The following AGER variants were observed in gnomAD, a reference collection of about 807,000 sequenced individuals.
AGER encodes the protein advanced glycation end product-specific receptor.
In AGER, 46 loss-of-function variants were observed where a neutral mutation model predicts 48.8. The ratio of observed to expected loss-of-function variants is 0.94; its 90% CI spans 0.74 to 1.20. AGER has a LOEUF of 1.20. Ranked by LOEUF, AGER falls within the 50% of genes most tolerant of loss-of-function variation. The pLI, the probability that AGER is intolerant of heterozygous loss-of-function variation, is 0.00. For missense variants in AGER, 489 were observed against 515.0 expected (o/e 0.95, Z 0.49); for synonymous variants, 170 against 199.9 (o/e 0.85, Z 1.26).
At position 32,183,130 on chromosome 6, in the gene AGER, C is replaced by T; in HGVS notation, c.492G>A (p.Leu164=). The part of the protein sequence containing the change: ...TLSWHLDGKP[L]VPNEKGVSVK... ...AGGACTCACCCTTCTCATTAGGCACCAGGGGCTTCCCATCCAAGTGCCAGC... is the reference window on the plus strand; with the variant it reads ...AGGACTCACCCTTCTCATTAGGCACTAGGGGCTTCCCATCCAAGTGCCAGC... Residue 164 remains leucine (L), a synonymous_variant, in exon 5 of 11, where the codon CTG becomes CTA. Transcript: ENST00000375076. 1 of 1,613,076 alleles carries T rather than the reference C, an allele frequency of 6.2e-7. No individual in the cohort carries two copies. The highest frequency in any genetic ancestry group is 8.5e-7 in the Non-Finnish European group (1 of 1,180,020).
chr6:32,183,770 G>T lies in AGER; in HGVS notation c.160-20C>A. 5.0e-6 allele frequency: 8 copies of T among 1,612,412 alleles called. No homozygotes were observed. Among genetic ancestry groups the T allele is most frequent in the Non-Finnish European group, 6.8e-6 (8 of 1,179,584 alleles). On this transcript the variant is annotated intron_variant, in intron 2 of 10. Coordinates refer to ENST00000375076, the MANE Select transcript of AGER (RefSeq NM_001136.5). ...TGTGTTCTAGAAGCAGAGAAGCAGG[G>T]CCTAAACAGTGCAAGGCCTTTGGGA...
rs751726848 is a variant in AGER, at chr6:32,182,387, C to T, written c.824G>A (p.Gly275Asp). ...PSPQIHWMKD[G>D]VPLPLPPSPV... ...GCTGGGGGGAAGGGGCAAGGGCACA[C>T]CCTGGTGGGGGAAGGGGAGAGGAGA... The change falls in exon 8 of 11, where the codon GGT becomes GAT. Residue 275 changes from glycine (G) to aspartate (D), a missense_variant and splice_region_variant. Physicochemically the swap from Gly to Asp is moderately conservative, Grantham distance 94 (BLOSUM62 -1). Transcript: ENST00000375076. The surrounding 1 kb of genome is among the most constrained non-coding windows in gnomAD (Gnocchi z 5.1). 1.9e-6 allele frequency: 3 copies of T among 1,610,102 alleles called. No homozygotes were observed. Among genetic ancestry groups the T allele is most frequent in the Non-Finnish European group, 2.5e-6 (3 of 1,178,396 alleles).
Position 32,182,141 on chromosome 6 carries a change from G to C in AGER, c.964+106C>G, listed in dbSNP as rs747323488. The C allele has an allele frequency of 1.3e-5, 19 of 1,505,330 alleles. No individual in the cohort carries two copies. The highest frequency in any genetic ancestry group is 1.7e-5 in the Admixed American group (1 of 59,444). The allele number at this position is 1,505,330 out of a possible 1,614,324, so 93.2% of individuals were successfully genotyped here. A position where few individuals can be genotyped will look rare whatever the true frequency, so the allele number is the denominator to read the frequency against. Reference sequence around the variant, plus strand: ...TTGGGTGTGGGTGCATGGAGGGAGAGGTGGGGTGGCTGTTAGGGATAAGGC... The same window carrying C: ...TTGGGTGTGGGTGCATGGAGGGAGACGTGGGGTGGCTGTTAGGGATAAGGC... On this transcript the variant is annotated intron_variant, in intron 8 of 10. Transcript: ENST00000375076. This position sits in a 1 kb window ranked among gnomAD's most constrained non-coding sequence, Gnocchi z 5.1.
rs377136593 is a variant in AGER at position 32,182,234 on chromosome 6, G to A, written c.964+13C>T. On this transcript the variant is annotated intron_variant, in intron 8 of 10. Transcript: ENST00000375076. This position sits in a 1 kb window ranked among gnomAD's most constrained non-coding sequence, Gnocchi z 5.1. ...TAGTCCCAGGGTCTGTAGGGCTTGG[G>A]GAGAGGTCTCACCGATGATGCTGAT... The A allele has an allele frequency of 1.9e-6, 3 of 1,612,638 alleles. No individual in the cohort carries two copies. The highest frequency in any genetic ancestry group is 2.5e-6 in the Non-Finnish European group (3 of 1,180,020).
Position 32,183,118 on chromosome 6 carries a change from C to A in AGER, c.504G>T (p.Glu168Asp). ...GGGGGGCACCTTAGGACTCACCCTT[C>A]TCATTAGGCACCAGGGGCTTCCCAT... ...HLDGKPLVPNEKGVSVKEQTR... is the reference protein window; with the variant it reads ...HLDGKPLVPNDKGVSVKEQTR... Residue 168 changes from glutamate (E) to aspartate (D), a missense_variant, in exon 5 of 11, where the codon GAG (glutamate) becomes GAT (aspartate). By Grantham distance (45) the Glu-to-Asp change is conservative. Transcript: ENST00000375076. 1 of 1,613,092 alleles carries A rather than the reference C, an allele frequency of 6.2e-7. No individual in the cohort carries two copies. The highest frequency in any genetic ancestry group is 8.5e-7 in the Non-Finnish European group (1 of 1,180,030).
At position 32,183,657 on chromosome 6, in the gene AGER, A is replaced by AGAGGGAGCCGTTGGGAAGG; in HGVS notation, c.234_252dup (p.Phe85ProfsTer16). ...TCCTGGATCCCGACAGCCGGAAGGAAGAGGGAGCCGTTGGGAAGGACACGA... is the reference window on the plus strand; with the variant it reads ...TCCTGGATCCCGACAGCCGGAAGGAAGAGGGAGCCGTTGGGAAGGGAGGGAGCCGTTGGGAAGGACACGA... On this transcript the variant is annotated frameshift_variant, in exon 3 of 11. Transcript: ENST00000375076. LOFTEE classifies it high-confidence loss of function. 6.2e-7 allele frequency: 1 copy of AGAGGGAGCCGTTGGGAAGG among 1,613,058 alleles called. No individual in the cohort carries two copies. Among genetic ancestry groups the AGAGGGAGCCGTTGGGAAGG allele is most frequent in the Non-Finnish European group, 8.5e-7 (1 of 1,180,030 alleles).
chr6:32,183,552 T>A lies in AGER; in HGVS notation c.355+3A>T. 1 of 1,613,104 alleles carries A rather than the reference T, an allele frequency of 6.2e-7. No individual in the cohort carries two copies. ...GCCTTGGAGAAGACCCTGGAATTCT[T>A]ACGGTAGACACGGACTCGGTAGTTG... On this transcript the variant is annotated splice_donor_region_variant and intron_variant, in intron 3 of 10. Coordinates refer to ENST00000375076, the MANE Select transcript of AGER (RefSeq NM_001136.5).
Position 32,183,875 on chromosome 6 carries a change from G to A in AGER, c.159+6C>T, listed in dbSNP as rs756055235. On this transcript the variant is annotated splice_donor_region_variant and intron_variant, in intron 2 of 10. Transcript: ENST00000375076. ...GTTGGGAGGCTGCAACAGGAGCCCC[G>A]CTTACCAGTTTCCATTCCAGCCGCT... is the stretch of plus-strand genomic sequence containing the variant. 1.1e-5 allele frequency: 17 copies of A among 1,612,874 alleles called. No homozygotes were observed. The highest frequency in any genetic ancestry group is 8.8e-5 in the South Asian group (8 of 91,084).
chr6:32,181,411 GTCCCCAGGCCTCCCAGGA>G lies in AGER; in HGVS notation c.1040_1057del (p.Ile347_Gly352del). 6.2e-7 allele frequency: 1 copy of G among 1,613,544 alleles called. No homozygotes were observed. The highest frequency in any genetic ancestry group is 8.5e-7 in the Non-Finnish European group (1 of 1,179,806). The stretch of plus-strand genomic sequence containing the variant: ...GATGACCCCAATGAGCAGGGCGGCT[GTCCCCAGGCCTCCCAGGA>G]TCCCCAGGGCCAGGGCTAGAGTTCC... On this transcript the variant is annotated inframe_deletion, in exon 10 of 11. Transcript: ENST00000375076. This position sits in a 1 kb window ranked among gnomAD's most constrained non-coding sequence, Gnocchi z 4.1.
intron 4 of AGER, 52 bp from the exon 5 acceptor site, chr6:32,183,253 C>T: frequency 3.1e-6 from 5 of 1,612,136 alleles, no homozygotes; most frequent in Non-Finnish European, 4.2e-6. Context: ...AGATGCCACA[C>T]ACCCACACCC....
At position 32,181,160 on chromosome 6, in the gene AGER, T is replaced by G; in HGVS notation, c.1198A>C (p.Ser400Arg). Residue 400 changes from serine (S) to arginine (R), a missense_variant, in exon 11 of 11, where the codon AGT (serine) becomes CGT (arginine). Ser to Arg is a moderately radical substitution (Grantham distance 110). Coordinates refer to ENST00000375076, the MANE Select transcript of AGER (RefSeq NM_001136.5). This position sits in a 1 kb window ranked among gnomAD's most constrained non-coding sequence, Gnocchi z 4.1. The part of the protein sequence containing the change: ...QSEEPEAGES[S>R]TGGP ...TGGGCCCCTCAAGGCCCTCCAGTACTACTCTCGCCTGCCTCAGGTTCCTCC... is the reference window on the plus strand; with the variant it reads ...TGGGCCCCTCAAGGCCCTCCAGTACGACTCTCGCCTGCCTCAGGTTCCTCC... 6.2e-7 allele frequency: 1 copy of G among 1,614,234 alleles called. No homozygotes were observed. Among genetic ancestry groups the G allele is most frequent in the Non-Finnish European group, 8.5e-7 (1 of 1,180,036 alleles).
Position 32,182,930 on chromosome 6 carries a change from T to C in AGER, c.602A>G (p.Asp201Gly). 6.2e-7 allele frequency: 1 copy of C among 1,612,168 alleles called. No homozygotes were observed. Among genetic ancestry groups the C allele is most frequent in the Non-Finnish European group, 8.5e-7 (1 of 1,179,612 alleles). The change falls in exon 6 of 11, where the codon GAT (aspartate) becomes GGT (glycine). Residue 201 changes from aspartate (D) to glycine (G), a missense_variant. By Grantham distance (94) the Asp-to-Gly change is moderately conservative. Coordinates refer to ENST00000375076, the MANE Select transcript of AGER (RefSeq NM_001136.5). The surrounding 1 kb of genome is among the most constrained non-coding windows in gnomAD (Gnocchi z 5.1). ...GCTACAGGAGAAGGTGGGACGGGGA[T>C]CTCCTCCCCGGGCTGGGGTCACCAT... ...ELMVTPARGG[D>G]PRPTFSCSFS...
In AGER at chr6:32,182,876, G is replaced by T; in HGVS notation, c.656C>A (p.Ala219Asp). The T allele has an allele frequency of 1.9e-6, 3 of 1,611,554 alleles. No homozygotes were observed. Among genetic ancestry groups the T allele is most frequent in the Non-Finnish European group, 2.5e-6 (3 of 1,179,476 alleles). Residue 219 changes from alanine (A) to aspartate (D), a missense_variant, in exon 6 of 11, where the codon GCC (alanine) becomes GAC (aspartate). By Grantham distance (126) the Ala-to-Asp change is moderately radical (BLOSUM62 -2). Transcript: ENST00000375076. This position sits in a 1 kb window ranked among gnomAD's most constrained non-coding sequence, Gnocchi z 5.1. ...GGGCTGGATGGGGGCTGTGCGCAAG[G>T]CCCGGTGTCGGGGAAGGCCTGGGCT... ...SFSPGLPRHR[A>D]LRTAPIQPRV...
Position 32,181,724 on chromosome 6 carries a change from T to A in AGER, c.965-92A>T. 1.4e-6 allele frequency: 1 copy of A among 711,694 alleles called. No homozygotes were observed. Among genetic ancestry groups the A allele is most frequent in the Non-Finnish European group, 2.0e-6 (1 of 491,468 alleles). The allele number at this position is 711,694 out of a possible 1,614,324, so 44.1% of individuals were successfully genotyped here. ...AGCCCCAGTGGAGTCTTTCCCTTTC[T>A]TTTTTTTTTTGAGATGGAGTTTCAC... On this transcript the variant is annotated intron_variant, in intron 8 of 10. Coordinates refer to ENST00000375076, the MANE Select transcript of AGER (RefSeq NM_001136.5). This position sits in a 1 kb window ranked among gnomAD's most constrained non-coding sequence, Gnocchi z 4.1.
In AGER at chr6:32,181,430, T is replaced by A. The variant is rs1393030718; in HGVS notation, c.1039A>T (p.Ile347Phe). The A allele has an allele frequency of 6.2e-7, 1 of 1,613,070 alleles. No homozygotes were observed. The highest frequency in any genetic ancestry group is 1.1e-5 in the South Asian group (1 of 91,060). Reference sequence around the variant, plus strand: ...GCGGCTGTCCCCAGGCCTCCCAGGATCCCCAGGGCCAGGGCTAGAGTTCCC... The same window carrying A: ...GCGGCTGTCCCCAGGCCTCCCAGGAACCCCAGGGCCAGGGCTAGAGTTCCC... Reference protein sequence around the residue: ...GLGTLALALGILGGLGTAALL... With the variant: ...GLGTLALALGFLGGLGTAALL... Residue 347 changes from isoleucine (I) to phenylalanine (F), a missense_variant, in exon 10 of 11, where the codon ATC (isoleucine) becomes TTC (phenylalanine). Coordinates refer to ENST00000375076, the MANE Select transcript of AGER (RefSeq NM_001136.5). This position sits in a 1 kb window ranked among gnomAD's most constrained non-coding sequence, Gnocchi z 4.1.
chr6:32,182,362 G>A lies in AGER; in HGVS notation c.849C>T (p.Ser283=). 1.2e-6 allele frequency: 2 copies of A among 1,612,462 alleles called. No individual in the cohort carries two copies. The highest frequency in any genetic ancestry group is 1.7e-6 in the Non-Finnish European group (2 of 1,179,908). The change falls in exon 8 of 11, where the codon AGC becomes AGT. Residue 283 remains serine (S), a synonymous_variant. Transcript: ENST00000375076. This position sits in a 1 kb window ranked among gnomAD's most constrained non-coding sequence, Gnocchi z 5.1. The stretch of plus-strand genomic sequence containing the variant: ...CTATCTCAGGGAGGATCAGCACAGG[G>A]CTGGGGGGAAGGGGCAAGGGCACAC... The part of the protein sequence containing the change: ...KDGVPLPLPP[S]PVLILPEIGP...
Position 32,182,878 on chromosome 6 carries a change from C to G in AGER, c.654G>C (p.Arg218=), listed in dbSNP as rs1786495718. Residue 218 remains arginine (R), a synonymous_variant, in exon 6 of 11, where the codon CGG becomes CGC. Coordinates refer to ENST00000375076, the MANE Select transcript of AGER (RefSeq NM_001136.5). This position sits in a 1 kb window ranked among gnomAD's most constrained non-coding sequence, Gnocchi z 5.1. The part of the protein sequence containing the change: ...CSFSPGLPRH[R]ALRTAPIQPR... ...GCTGGATGGGGGCTGTGCGCAAGGCCCGGTGTCGGGGAAGGCCTGGGCTGA... is the reference window on the plus strand; with the variant it reads ...GCTGGATGGGGGCTGTGCGCAAGGCGCGGTGTCGGGGAAGGCCTGGGCTGA... The G allele has an allele frequency of 6.2e-7, 1 of 1,611,518 alleles. No homozygotes were observed. The highest frequency in any genetic ancestry group is 1.3e-5 in the African/African-American group (1 of 74,894).
Position 32,182,376 on chromosome 6 carries a change from G to A in AGER, c.835C>T (p.Pro279Ser), listed in dbSNP as rs1473585151. Residue 279 changes from proline (P) to serine (S), a missense_variant, in exon 8 of 11, where the codon CCC (proline) becomes TCC (serine). Coordinates refer to ENST00000375076, the MANE Select transcript of AGER (RefSeq NM_001136.5). This position sits in a 1 kb window ranked among gnomAD's most constrained non-coding sequence, Gnocchi z 5.1. ...ATCAGCACAGGGCTGGGGGGAAGGG[G>A]CAAGGGCACACCCTGGTGGGGGAAG... Reference protein sequence around the residue: ...IHWMKDGVPLPLPPSPVLILP... With the variant: ...IHWMKDGVPLSLPPSPVLILP... 8 of 1,611,734 alleles carry A rather than the reference G, an allele frequency of 5.0e-6. No individual in the cohort carries two copies. The highest frequency in any genetic ancestry group is 3.3e-5 in the Admixed American group (2 of 59,966).
rs375918214 is a variant in AGER, at chr6:32,183,295, T to C, written c.420+29A>G. 26 of 1,611,218 alleles carry C rather than the reference T, an allele frequency of 1.6e-5. 1 individual carries two copies. Among genetic ancestry groups the C allele is most frequent in the Admixed American group, 5.0e-5 (3 of 59,978 alleles). On this transcript the variant is annotated intron_variant, in intron 4 of 10. Coordinates refer to ENST00000375076, the MANE Select transcript of AGER (RefSeq NM_001136.5). ...ACTCGCCTCCTGTTCACAGGGCCGT[T>C]TTCTACTTCTCCTGCTTTCTTCCAC...
Sources: allele counts gnomAD v4.1 joint callset, GRCh38; gene constraint gnomAD v4.1.1; non-coding constraint Gnocchi (gnomAD v3.1); transcripts MANE v1.5; gene names NCBI Gene and HGNC (gene_info 2026-07-23, HGNC 2026-07-21).